CABIN1: variants seen among roughly 807,000 people sequenced by gnomAD.
CABIN1 encodes the protein calcineurin binding protein 1.
A neutral mutation model predicts 227.7 loss-of-function variants in CABIN1; 133 were observed. The ratio of observed to expected loss-of-function variants is 0.58; its 90% CI spans 0.51 to 0.67. CABIN1 has a LOEUF of 0.67. Among genes scored for constraint, CABIN1 ranks in the 30% least tolerant of loss-of-function variants. CABIN1 has a pLI of 0.00. For synonymous variants in CABIN1, 1,086 were observed against 1,155.1 expected (o/e 0.94, Z 1.21); for missense variants, 2,408 against 2,852.5 (o/e 0.84, Z 3.55).
At chr22:24,059,540 G>A (rs1601838997) in intron 11 of CABIN1, among the ~76,000 whole-genome samples, 177 bp downstream of exon 11, 1 of 152,240 alleles carries the variant, frequency 6.6e-6, no homozygotes, top group East Asian at 1.9e-4. Context: ...CTTCTGAAAT[G>A]TCCAGGCTCA....
chr22:24,133,208 TAC>T (rs1490206495), intron 28 of CABIN1, among the ~76,000 whole-genome samples: 1 of 152,142 alleles, frequency 6.6e-6, no homozygotes, highest in Non-Finnish European at 1.5e-5. Flanking sequence ...CCTCAGTCCC[TAC>T]AGCATCCCGG....
chr22:24,099,845 C>T (rs756347288), intron 26 of CABIN1, among the ~76,000 whole-genome samples: 5 of 152,198 alleles, frequency 3.3e-5, no homozygotes, highest in Admixed American at 6.5e-5. Context: ...ACTGAGGTCA[C>T]GCCACATGCG....
rs1441360609 is a variant in CABIN1 at position 24,119,369 on chromosome 22, A to G, written c.4303A>G (p.Lys1435Glu). 1.2e-6 allele frequency: 2 copies of G among 1,612,426 alleles called. No homozygotes were observed. Among genetic ancestry groups the G allele is most frequent in the Non-Finnish European group, 8.5e-7 (1 of 1,179,968 alleles). Residue 1435 changes from lysine (K) to glutamate (E), a missense_variant and splice_region_variant, in exon 28 of 37, where the codon AAA becomes GAA. By Grantham distance (56) the Lys-to-Glu change is moderately conservative. Around this residue, in one of 3 missense-constraint regions of CABIN1, gnomAD observed 649 missense variants for 910.3 expected, o/e 0.71. Coordinates refer to ENST00000263119, the MANE Select transcript of CABIN1 (RefSeq NM_012295.4). ...CTTTCCCTTCTTCTCAACTGTAGGA[A>G]AAAACGAGGAGTCATTGGAGAGTAC... ...DLQGATEERGKNEESLESTEG... is the reference protein window; with the variant it reads ...DLQGATEERGENEESLESTEG...
At chr22:24,075,101 G>T (rs1337276352) in intron 18 of CABIN1, among the ~76,000 whole-genome samples, 5 of 152,260 alleles carry the variant, frequency 3.3e-5, no homozygotes, top group Admixed American at 2.6e-4. Flanking sequence ...TACTTGGGAG[G>T]CTGAGAAAGG....
chr22:24,019,650 C>CTTTTTTTTTTTTTTT, intron 1 of CABIN1, among the ~76,000 whole-genome samples: 1 of 87,024 alleles, frequency 1.1e-5, no homozygotes, highest in Non-Finnish European at 2.1e-5. Flanking sequence ...TTTCTTTACC[C>CTTTTTTTTTTTTTTT]TTTTTTTTTT....
intron 30 of CABIN1, 138 bp downstream of exon 30, chr22:24,164,701 T>TG (rs2046350194): frequency 1.9e-6 from 2 of 1,030,674 alleles, no homozygotes; most frequent in Admixed American, 2.0e-5. Context: ...TCATTCTCCT[T>TG]GGGGGCCTCT....
chr22:24,067,936 G>C (rs1366133546), intron 16 of CABIN1, among the ~76,000 whole-genome samples: 1 of 152,000 alleles, frequency 6.6e-6, no homozygotes, highest in Non-Finnish European at 1.5e-5. Context: ...AAGATAATAC[G>C]CAAAATATGC....
intron 26 of CABIN1, among the ~76,000 whole-genome samples, chr22:24,113,056 T>C (rs1349666893): frequency 2.6e-5 from 4 of 152,224 alleles, no homozygotes; most frequent in African/African-American, 9.6e-5. Context: ...CCCAGAGATC[T>C]AGAGTTCTTC....
rs779898742 is a variant in CABIN1, at chr22:24,098,124, A to G, written c.4049A>G (p.Tyr1350Cys). The change falls in exon 26 of 37, where the codon TAC (tyrosine) becomes TGC (cysteine). Residue 1350 changes from tyrosine to cysteine, a missense_variant. Physicochemically the swap from Tyr to Cys is radical, Grantham distance 194. Coordinates refer to ENST00000263119, the MANE Select transcript of CABIN1 (RefSeq NM_012295.4). ...GGCCCAGGTCTGACATCCCCACCTT[A>G]CACAGCCACTCCGATTGACCACGAT... The part of the protein sequence containing the change: ...SSGPGLTSPP[Y>C]TATPIDHDYV... The G allele has an allele frequency of 3.7e-6, 6 of 1,613,926 alleles. No individual in the cohort carries two copies. Among genetic ancestry groups the G allele is most frequent in the South Asian group, 1.1e-5 (1 of 91,074 alleles).
intron 24 of CABIN1, among the ~76,000 whole-genome samples, chr22:24,094,127 C>T (rs1280455114): frequency 6.6e-6 from 1 of 152,162 alleles, no homozygotes. Context: ...TGATGACTTG[C>T]CTTAAGTCAC....
intron 13 of CABIN1, 40 bp from the exon 14 acceptor site, chr22:24,062,919 G>T: frequency 6.3e-7 from 1 of 1,595,176 alleles, no homozygotes; most frequent in Non-Finnish European, 8.6e-7. Context: ...GCATTAGAAT[G>T]CTACACATGA....
chr22:24,052,736 G>A (rs1863456657), intron 8 of CABIN1, among the ~76,000 whole-genome samples: 2 of 150,968 alleles, frequency 1.3e-5, no homozygotes, highest in Admixed American at 1.3e-4. Flanking sequence ...GCTACAGTGA[G>A]CTGTGATGGC....
At chr22:24,075,937 T>C (rs1322698504) in intron 18 of CABIN1, among the ~76,000 whole-genome samples, 1 of 151,946 alleles carries the variant, frequency 6.6e-6, no homozygotes, top group East Asian at 1.9e-4. Flanking sequence ...CTCCTTTATA[T>C]TTTCCTATAT....
At chr22:24,148,778 G>A (rs1247076222) in intron 29 of CABIN1, among the ~76,000 whole-genome samples, 4 of 152,200 alleles carry the variant, frequency 2.6e-5, no homozygotes, top group Admixed American at 2.0e-4. Context: ...GGCCCCACCC[G>A]CTCAGGCTGC....
chr22:24,070,371 C>G (rs1229647398), intron 16 of CABIN1, among the ~76,000 whole-genome samples: 1 of 152,230 alleles, frequency 6.6e-6, no homozygotes, highest in African/African-American at 2.4e-5. Flanking sequence ...TCAGGCCCTC[C>G]TCCGCTGAGG....
intron 1 of CABIN1, among the ~76,000 whole-genome samples, chr22:24,015,040 G>C (rs1239254797): frequency 1.3e-5 from 2 of 152,002 alleles, no homozygotes; most frequent in African/African-American, 4.8e-5. Context: ...GAGGTGGGCA[G>C]ATTGCCTGAG....
At chr22:24,094,845 AG>A (rs1217448861) in intron 24 of CABIN1, among the ~76,000 whole-genome samples, 16 of 146,064 alleles carry the variant, frequency 1.1e-4, no homozygotes, top group Admixed American at 2.7e-4. Flanking sequence ...AAAAAAAAAA[AG>A]AAACAAAAAT....
Position 24,055,013 on chromosome 22 carries a change from T to G in CABIN1, c.947T>G (p.Val316Gly). Residue 316 changes from valine to glycine, a missense_variant, in exon 9 of 37, where the codon GTG (valine) becomes GGG (glycine). Physicochemically the swap from Val to Gly is moderately radical, Grantham distance 109 (BLOSUM62 -3). Coordinates refer to ENST00000263119, the MANE Select transcript of CABIN1 (RefSeq NM_012295.4). Reference sequence around the variant, plus strand: ...CAGCCTCTTGAGTCCTCCATGGTGGTGACGCCAGTTAACGTGATCCAGCCA... The same window carrying G: ...CAGCCTCTTGAGTCCTCCATGGTGGGGACGCCAGTTAACGTGATCCAGCCA... ...PSQPLESSMV[V>G]TPVNVIQPST... 1 of 1,614,208 alleles carries G rather than the reference T, an allele frequency of 6.2e-7. No homozygotes were observed. The highest frequency in any genetic ancestry group is 8.5e-7 in the Non-Finnish European group (1 of 1,180,040).
intron 28 of CABIN1, among the ~76,000 whole-genome samples, chr22:24,131,042 C>T (rs1201638282): frequency 1.3e-5 from 2 of 152,224 alleles, no homozygotes; most frequent in Admixed American, 1.3e-4. Flanking sequence ...CATTCCCGTC[C>T]CATGGCCACA....
Sources: gnomAD v4.1 joint callset for allele counts (sites outside exome capture counted in the v4.1 genomes callset) on GRCh38, gnomAD v4.1.1 for gene constraint, gnomAD v4.1.1 regional missense constraint, MANE v1.5 for transcripts, NCBI Gene and HGNC (gene_info 2026-07-23, HGNC 2026-07-21) for gene names.